MCTP2: variants seen among roughly 807,000 people sequenced by gnomAD.
MCTP2 encodes multiple C2 and transmembrane domain containing 2, also known as multiple C2 and transmembrane domain-containing protein 2.
MCTP2 carries 132 observed loss-of-function variants against 111.6 expected under a neutral mutation model. That is an observed-to-expected ratio of 1.18 (90% CI 1.03 to 1.37). The LOEUF (loss-of-function observed/expected upper bound fraction) is 1.37. MCTP2 is among the 40% of genes most tolerant of loss of function. The pLI is 0.00. For missense variants in MCTP2, 1,183 were observed against 1,067.9 expected (o/e 1.11, Z -1.50); for synonymous variants, 395 against 387.7 (o/e 1.02, Z -0.22).
At chr15:94,365,715 C>G (rs756255615) in intron 10 of MCTP2, among the ~76,000 whole-genome samples, 1 of 152,214 alleles carries the variant, frequency 6.6e-6, no homozygotes, top group Non-Finnish European at 1.5e-5. Flanking sequence ...ACATTATTAG[C>G]TGTCAGAGCA....
intron 13 of MCTP2, among the ~76,000 whole-genome samples, chr15:94,385,202 TA>T (rs2080386705): frequency 6.6e-6 from 1 of 152,218 alleles, no homozygotes; most frequent in Admixed American, 6.5e-5. Flanking sequence ...AATGTCATAG[TA>T]AAAAAGTTGA....
intron 17 of MCTP2, among the ~76,000 whole-genome samples, chr15:94,436,605 T>C (rs987970537): frequency 2.0e-5 from 3 of 152,152 alleles, no homozygotes; most frequent in Non-Finnish European, 4.4e-5. Flanking sequence ...TAGAGGCCAA[T>C]GCTATAGCAA....
chr15:94,259,918 T>C (rs1279975981), intron 1 of MCTP2, among the ~76,000 whole-genome samples: 4 of 152,206 alleles, frequency 2.6e-5, no homozygotes, highest in African/African-American at 9.6e-5. Context: ...GTCTCACCCT[T>C]GTGCACTGAA....
At chr15:94,351,953 G>C (rs539484333) in intron 8 of MCTP2, among the ~76,000 whole-genome samples, 5 of 152,096 alleles carry the variant, frequency 3.3e-5, no homozygotes, top group Admixed American at 3.3e-4. Context: ...ACCTGGCCTC[G>C]GACAGATAAG....
intron 8 of MCTP2, among the ~76,000 whole-genome samples, chr15:94,354,016 A>T (rs1008399695): frequency 8.7e-5 from 4 of 46,206 alleles, no homozygotes; most frequent in African/African-American, 3.9e-4. Flanking sequence ...TTTTATATAT[A>T]ATAATAACAA....
In MCTP2 at chr15:94,440,208, A is replaced by G. The variant is rs144829336; in HGVS notation, c.2118A>G (p.Leu706=). The change falls in exon 18 of 23, where the codon CTA becomes CTG. Residue 706 remains leucine (L), a synonymous_variant. Transcript: ENST00000357742. ...TGATCACTGTCTGGAATTTTGAACTATATATGATCCCCTTGGCATTGTTGC... is the reference window on the plus strand; with the variant it reads ...TGATCACTGTCTGGAATTTTGAACTGTATATGATCCCCTTGGCATTGTTGC... The part of the protein sequence containing the change: ...VFLITVWNFE[L]YMIPLALLLI... The G allele has an allele frequency of 6.0e-4, 973 of 1,613,932 alleles. No individual in the cohort carries two copies. Among genetic ancestry groups the G allele is most frequent in the Non-Finnish European group, 7.9e-4 (935 of 1,179,944 alleles).
At chr15:94,261,913 G>A (rs1272300578) in intron 1 of MCTP2, among the ~76,000 whole-genome samples, 1 of 152,086 alleles carries the variant, frequency 6.6e-6, no homozygotes, top group African/African-American at 2.4e-5. Context: ...GTGTGAGGTT[G>A]TATTACTTTA....
intron 8 of MCTP2, 26 bp from the exon 9 acceptor site, chr15:94,356,111 C>T (rs2078607442): frequency 6.6e-7 from 1 of 1,508,616 alleles, no homozygotes; most frequent in Non-Finnish European, 8.9e-7. Flanking sequence ...AGCAAGTTTA[C>T]ATGTCATCTT....
intron 1 of MCTP2, among the ~76,000 whole-genome samples, chr15:94,260,029 C>A (rs1483042978): frequency 6.6e-6 from 1 of 152,172 alleles, no homozygotes; most frequent in Non-Finnish European, 1.5e-5. Context: ...ACCACTTTCT[C>A]TTCCCCTTTG....
chr15:94,281,027 G>A (rs2074453775), intron 1 of MCTP2, among the ~76,000 whole-genome samples: 1 of 152,262 alleles, frequency 6.6e-6, no homozygotes, highest in Non-Finnish European at 1.5e-5. Context: ...ACATGCAGAT[G>A]AGAATGTATA....
chr15:94,448,742 G>A (rs1335860283), intron 19 of MCTP2, among the ~76,000 whole-genome samples: 2 of 152,166 alleles, frequency 1.3e-5, no homozygotes, highest in Non-Finnish European at 2.9e-5. Context: ...ATCATGAGAA[G>A]GTAGAAGACA....
intron 5 of MCTP2, 77 bp from the exon 6 acceptor site, chr15:94,340,122 T>C (rs2077555675): frequency 1.1e-6 from 1 of 951,760 alleles, no homozygotes; most frequent in Admixed American, 1.9e-5. Flanking sequence ...TTCCAACCTA[T>C]TGCATTTGTT....
rs1194262391 is a variant in MCTP2, at chr15:94,481,108, A to G, written c.*2074A>G. On this transcript the variant is annotated 3_prime_UTR_variant, in exon 23 of 23. Coordinates refer to ENST00000357742, the MANE Select transcript of MCTP2 (RefSeq NM_001385001.1). ...TTCCAGAATGCTTTTGATAAAATTT[A>G]TCGATTGTGGATTCACAGTGTGATA... 1 of 152,218 alleles carries G rather than the reference A, an allele frequency of 6.6e-6. No homozygotes were observed. Among genetic ancestry groups the G allele is most frequent in the Non-Finnish European group, 1.5e-5 (1 of 68,024 alleles). The allele number at this position is 152,218 out of a possible 1,614,324, so 9.4% of individuals were successfully genotyped here. A position where few individuals can be genotyped will look rare whatever the true frequency, so the allele number is the denominator to read the frequency against.
At position 94,315,549 on chromosome 15, in the gene MCTP2, T is replaced by C. The variant is rs775166158; in HGVS notation, c.549T>C (p.Asp183=). 2.0e-5 allele frequency: 32 copies of C among 1,613,902 alleles called. No individual in the cohort carries two copies. Among genetic ancestry groups the C allele is most frequent in the Middle Eastern group, 3.3e-4 (2 of 6,084 alleles). Residue 183 remains aspartate, a synonymous_variant, in exon 4 of 23, where the codon GAT becomes GAC. Transcript: ENST00000357742. ...EEQSVPGEAS[D]GLSNLPSPFA... ...TGCAGGTACCGGGGGAAGCCAGTGA[T>C]GGCTTGAGTAACCTCCCCAGCCCTT...
Position 94,442,813 on chromosome 15 carries a change from T to C in MCTP2, c.2209-106T>C, listed in dbSNP as rs1282160553. 3.3e-6 allele frequency: 3 copies of C among 914,120 alleles called. No homozygotes were observed. In the East Asian group the frequency reaches 7.3e-5, roughly 22 times the overall value. 56.6% of individuals were successfully genotyped at this position (914,120 alleles called of 1,614,324 possible). On this transcript the variant is annotated intron_variant, in intron 18 of 22. Transcript: ENST00000357742. ...AAGAGGTTGTAATGCATTTCAAAAATATAAATGCTTGAAGTCTGTAGGCAA... is the reference window on the plus strand; with the variant it reads ...AAGAGGTTGTAATGCATTTCAAAAACATAAATGCTTGAAGTCTGTAGGCAA...
At chr15:94,388,048 A>T (rs2080619516) in intron 14 of MCTP2, among the ~76,000 whole-genome samples, 1 of 152,214 alleles carries the variant, frequency 6.6e-6, no homozygotes, top group Admixed American at 6.5e-5. Context: ...GTGGAGCTGG[A>T]GAGGACCCTG....
intron 14 of MCTP2, among the ~76,000 whole-genome samples, chr15:94,398,082 T>C (rs1348709366): frequency 7.9e-5 from 12 of 152,228 alleles, no homozygotes; most frequent in Admixed American, 7.9e-4. Flanking sequence ...AGATAACTTA[T>C]ATGTGGGGTC....
At chr15:94,350,024 A>G (rs1467883529) in intron 8 of MCTP2, among the ~76,000 whole-genome samples, 1 of 152,132 alleles carries the variant, frequency 6.6e-6, no homozygotes, top group African/African-American at 2.4e-5. Flanking sequence ...CCTGGCTCCC[A>G]TCTTAGACTT....
intron 19 of MCTP2, 51 bp from the exon 20 acceptor site, chr15:94,458,086 C>A: frequency 1.0e-6 from 1 of 967,614 alleles, no homozygotes; most frequent in Non-Finnish European, 1.7e-6. Flanking sequence ...TCTGTATCAG[C>A]ATGATAAAAA....
Sources: allele counts gnomAD v4.1 joint callset (sites outside exome capture counted in the v4.1 genomes callset), GRCh38; gene constraint gnomAD v4.1.1; transcripts MANE v1.5; gene names NCBI Gene and HGNC (gene_info 2026-07-23, HGNC 2026-07-21).